The following MORC1 variants were observed in gnomAD, a reference collection of about 807,000 sequenced individuals.
MORC1 encodes the protein MORC family CW-type zinc finger 1, also known as MORC family CW-type zinc finger protein 1.
Under a neutral mutation model 134.9 loss-of-function variants are expected in MORC1, and 59 were observed. That is an observed-to-expected ratio of 0.44 (90% confidence interval 0.35 to 0.54). The LOEUF (loss-of-function observed/expected upper bound fraction) is 0.54, where lower values mean the gene tolerates loss of function less well. MORC1 is among the 20% of genes least tolerant of loss of function. The pLI is 0.00. For synonymous variants in MORC1, 395 were observed against 391.7 expected, an observed-to-expected ratio of 1.01 and a Z score of -0.10; for missense variants, 947 against 1,134.5, an observed-to-expected ratio of 0.83 and a Z score of 2.37.
chr3:109,115,897 G>A (rs1951261989), intron 1 of MORC1, among the ~76,000 whole-genome samples: 1 of 152,090 alleles, frequency 6.6e-6, no homozygotes, highest in Non-Finnish European at 1.5e-5. Flanking sequence ...TGGTGAGGAG[G>A]GGCATGGTGG....
intron 8 of MORC1, among the ~76,000 whole-genome samples, chr3:109,090,568 C>T (rs1429055860): frequency 1.4e-5 from 2 of 142,684 alleles, no homozygotes; most frequent in South Asian, 2.2e-4. Flanking sequence ...TGCAGTGAGC[C>T]GAGACTGCAC....
In MORC1 at chr3:109,061,980, T is replaced by C. The variant is rs199953461; in HGVS notation, c.966+8A>G. The C allele has an allele frequency of 7.4e-6, 12 of 1,612,832 alleles. No homozygotes were observed. Among genetic ancestry groups the C allele is most frequent in the Non-Finnish European group, 8.5e-6 (10 of 1,178,844 alleles). On this transcript the variant is annotated splice_region_variant and intron_variant, in intron 11 of 27. Coordinates refer to ENST00000232603, the MANE Select transcript of MORC1 (RefSeq NM_014429.4). ...ATTTAATAAGACTACTCTCTTTACA[T>C]GTCGTACCTTGGCAGAAGATAAAGA...
At chr3:109,091,101 C>T (rs1950713731) in intron 8 of MORC1, among the ~76,000 whole-genome samples, 1 of 152,010 alleles carries the variant, frequency 6.6e-6, no homozygotes, top group Admixed American at 6.6e-5. Flanking sequence ...ACACCATTAT[C>T]CATAACCTTG....
chr3:109,005,422 A>C, intron 18 of MORC1, 107 bp from the exon 19 acceptor site: 1 of 1,070,060 alleles, frequency 9.3e-7, no homozygotes, highest in South Asian at 2.3e-5. Flanking sequence ...TATTACTACT[A>C]AAAAGTTTTT....
Position 109,025,379 on chromosome 3 carries a change from C to CTT in MORC1, c.1704+2370_1704+2371dup, listed in dbSNP as rs63701060. Among the ~76,000 whole-genome samples the CTT allele has an allele frequency of 1.3e-3, 135 of 105,068 alleles. 1 individual carries two copies. The highest frequency in any genetic ancestry group is 3.9e-3 in the East Asian group (13 of 3,364). The allele number at this position is 105,068 out of a possible 152,430, so 68.9% of individuals were successfully genotyped here. A position where few individuals can be genotyped will look rare whatever the true frequency, so the allele number is the denominator to read the frequency against. ...TTTCTTTGGTTTCTTTTTCTTTTTT[C>CTT]TTTTTTTTTTTTTTTTTTTTTTTTT... is the stretch of plus-strand genomic sequence containing the variant. On this transcript the variant is annotated intron_variant, in intron 17 of 27. Transcript: ENST00000232603.
At chr3:109,085,104 G>T (rs1351124947) in intron 8 of MORC1, among the ~76,000 whole-genome samples, 1 of 151,756 alleles carries the variant, frequency 6.6e-6, no homozygotes, top group African/African-American at 2.4e-5. Flanking sequence ...GGGCAAAGGG[G>T]TGTGTCTGTG....
chr3:109,063,844 C>T (rs1215485842), intron 9 of MORC1, among the ~76,000 whole-genome samples: 4 of 152,126 alleles, frequency 2.6e-5, no homozygotes, highest in African/African-American at 9.7e-5. Context: ...AAAAGCTCTA[C>T]AGAACCTGAG....
At chr3:109,061,735 C>T (rs541351971) in intron 11 of MORC1, among the ~76,000 whole-genome samples, 11 of 152,164 alleles carry the variant, frequency 7.2e-5, no homozygotes, top group Admixed American at 7.2e-4. Flanking sequence ...TGATGCTGTT[C>T]CCCACCATTT....
At chr3:108,963,912 C>A (rs1034369846) in intron 26 of MORC1, among the ~76,000 whole-genome samples, 16 of 152,242 alleles carry the variant, frequency 1.1e-4, no homozygotes, top group Admixed American at 9.2e-4. Context: ...AAGGTTGAAT[C>A]TGTTCTCCCA....
chr3:109,062,584 C>T (rs1950108129), intron 10 of MORC1, among the ~76,000 whole-genome samples: 1 of 151,876 alleles, frequency 6.6e-6, no homozygotes. Context: ...CCACACCCGG[C>T]TAACTTTTTG....
intron 17 of MORC1, 72 bp downstream of exon 17, chr3:109,027,679 G>C: frequency 6.4e-7 from 1 of 1,571,444 alleles, no homozygotes; most frequent in Non-Finnish European, 8.7e-7. Context: ...AACCACTTTA[G>C]TCAATTTGCA....
In MORC1 at chr3:109,009,107, A is replaced by G. The variant is rs569023124; in HGVS notation, c.1705-2016T>C. Among the ~76,000 whole-genome samples, 5 of 152,222 alleles carry G rather than the reference A, an allele frequency of 3.3e-5. No homozygotes were observed. The South Asian group carries it at 6.2e-4, about 19-fold the overall frequency. ...TTCAGTCCTTTGATGTAGAATTTTC[A>G]GACATCTCTTGCTGGTTGAAGTTTG... On this transcript the variant is annotated intron_variant, in intron 17 of 27. Transcript: ENST00000232603.
chr3:108,962,484 T>G (rs1287321031), intron 27 of MORC1, among the ~76,000 whole-genome samples: 1 of 152,156 alleles, frequency 6.6e-6, no homozygotes, highest in East Asian at 1.9e-4. Context: ...TGTCTCTCCC[T>G]AGCCTTTTCA....
chr3:109,018,356 C>T (rs572617345), intron 17 of MORC1, among the ~76,000 whole-genome samples: 1 of 152,128 alleles, frequency 6.6e-6, no homozygotes, highest in African/African-American at 2.4e-5. Flanking sequence ...AAGAGATTTG[C>T]CTCCAGAGAC....
At chr3:108,981,028 C>T (rs1405965954) in intron 23 of MORC1, among the ~76,000 whole-genome samples, 1 of 151,870 alleles carries the variant, frequency 6.6e-6, no homozygotes, top group Non-Finnish European at 1.5e-5. Flanking sequence ...TACATGGCTG[C>T]AGCATGAAAA....
chr3:109,063,319 A>G lies in MORC1; in HGVS notation c.816-88T>C, dbSNP rs886387564. On this transcript the variant is annotated intron_variant, in intron 9 of 27. Coordinates refer to ENST00000232603, the MANE Select transcript of MORC1 (RefSeq NM_014429.4). ...ATTCTTTAGTAAGACTATATGCTCC[A>G]GAGATACATAATTATTAAGAAAGAT... The G allele has an allele frequency of 1.6e-5, 11 of 703,110 alleles. No homozygotes were observed. In the African/African-American group the frequency reaches 1.6e-4, roughly 10 times the overall value. The allele number at this position is 703,110 out of a possible 1,614,324, so 43.6% of individuals were successfully genotyped here. A position where few individuals can be genotyped will look rare whatever the true frequency, so the allele number is the denominator to read the frequency against.
chr3:109,019,521 C>A (rs1391885167), intron 17 of MORC1, among the ~76,000 whole-genome samples: 1 of 150,760 alleles, frequency 6.6e-6, no homozygotes, highest in Non-Finnish European at 1.5e-5. Flanking sequence ...TACCCCTATT[C>A]TTACATTGTT....
chr3:108,996,280 G>GCA (rs1948214250), intron 21 of MORC1, among the ~76,000 whole-genome samples: 1 of 50,518 alleles, frequency 2.0e-5, no homozygotes, highest in African/African-American at 6.2e-5. Context: ...GTGCGTGCGC[G>GCA]CGCGCGCACA....
intron 6 of MORC1, among the ~76,000 whole-genome samples, chr3:109,097,216 A>G (rs1950846362): frequency 6.6e-6 from 1 of 152,248 alleles, no homozygotes; most frequent in African/African-American, 2.4e-5. Flanking sequence ...AATGGGTCAC[A>G]TATAAGATTA....
Sources: allele counts gnomAD v4.1 joint callset (sites outside exome capture counted in the v4.1 genomes callset), GRCh38; gene constraint gnomAD v4.1.1; transcripts MANE v1.5; gene names NCBI Gene and HGNC (gene_info 2026-07-23, HGNC 2026-07-21).